STK17B: variants seen among roughly 807,000 people sequenced by gnomAD.
The protein encoded by STK17B is serine/threonine kinase 17b, also known as serine/threonine-protein kinase 17B.
In STK17B, 21 loss-of-function variants were observed where a neutral mutation model predicts 42.0. The observed-to-expected ratio is 0.50, with a 90% CI of 0.35 to 0.72. The LOEUF (loss-of-function observed/expected upper bound fraction) is 0.72. Ranked by LOEUF, STK17B falls within the 30% of genes least tolerant of loss-of-function variation. The probability of loss-of-function intolerance (pLI) is 0.00; values close to 1 mark genes in which losing one functional copy is unlikely to be tolerated. For missense variants in STK17B, 349 were observed against 446.0 expected (o/e 0.78, Z 1.96); for synonymous variants, 143 against 148.4 (o/e 0.96, Z 0.26).
chr2:196,156,696 A>G (rs761076014), intron 2 of STK17B, 45 bp from the exon 3 acceptor site: 4 of 1,462,420 alleles, frequency 2.7e-6, no homozygotes, highest in Non-Finnish European at 3.8e-6. Flanking sequence ...TCTGCAGAGA[A>G]CAACGTTAGT....
At chr2:196,157,971 C>A (rs1025523509) in intron 2 of STK17B, among the ~76,000 whole-genome samples, 2 of 152,196 alleles carry the variant, frequency 1.3e-5, no homozygotes, top group Non-Finnish European at 2.9e-5. Flanking sequence ...GTTTTCAGAT[C>A]TTAAAGCCCA....
rs532403565 is a variant in STK17B, at chr2:196,137,171, T to C, written c.*276A>G. ...ATGCAAAACATTCTGGTAAGTTCATTTGAAGTTGAATTATTTCATTAACAT... is the reference window on the plus strand; with the variant it reads ...ATGCAAAACATTCTGGTAAGTTCATCTGAAGTTGAATTATTTCATTAACAT... On this transcript the variant is annotated 3_prime_UTR_variant, in exon 8 of 8. Coordinates refer to ENST00000263955, the MANE Select transcript of STK17B (RefSeq NM_004226.4). The C allele has an allele frequency of 1.6e-3, 553 of 352,126 alleles. 5 individuals are homozygous for C. The highest frequency in any genetic ancestry group is 0.013 in the South Asian group (292 of 22,298). 21.8% of individuals were successfully genotyped at this position (352,126 alleles called of 1,614,324 possible).
In STK17B at chr2:196,146,058, A is replaced by G. The variant is rs16845711; in HGVS notation, c.336-3T>C. 56,513 of 1,576,948 alleles carry G rather than the reference A, an allele frequency of 0.036. 1,105 individuals are homozygous for G. The highest frequency in any genetic ancestry group is 0.051 in the Middle Eastern group (301 of 5,906). On this transcript the variant is annotated splice_region_variant and splice_polypyrimidine_tract_variant and intron_variant, in intron 3 of 7. Coordinates refer to ENST00000263955, the MANE Select transcript of STK17B (RefSeq NM_004226.4). ...TGAAAATTTCTCCACCTGCAGCACT[A>G]AAATAAAATTCAAAGAACAGAGACT...
intron 7 of STK17B, among the ~76,000 whole-genome samples, chr2:196,139,067 C>T (rs1434753123): frequency 1.3e-5 from 2 of 152,000 alleles, no homozygotes; most frequent in Admixed American, 6.6e-5. Context: ...CCCGGATTCA[C>T]GCCATTCTGC....
In STK17B at chr2:196,164,006, T is replaced by A. The variant is rs1013338773; in HGVS notation, c.-44-579A>T. ...GTGAGCTATGAATGTGCTACTGCAGTTCAGTTTGGGCAATAAAGCGAGATC... is the reference window on the plus strand; with the variant it reads ...GTGAGCTATGAATGTGCTACTGCAGATCAGTTTGGGCAATAAAGCGAGATC... On this transcript the variant is annotated intron_variant, in intron 1 of 7. Coordinates refer to ENST00000263955, the MANE Select transcript of STK17B (RefSeq NM_004226.4). Among the ~76,000 whole-genome samples, 5 of 151,620 alleles carry A rather than the reference T, an allele frequency of 3.3e-5. No individual in the cohort carries two copies. The South Asian group carries it at 1.0e-3, about 32-fold the overall frequency.
chr2:196,163,201 TATAAAA>T, intron 2 of STK17B, 55 bp downstream of exon 2: 1 of 1,571,630 alleles, frequency 6.4e-7, no homozygotes, highest in Non-Finnish European at 8.7e-7. Context: ...TTTATAGAAT[TATAAAA>T]ACACAAATCC....
intron 4 of STK17B, among the ~76,000 whole-genome samples, chr2:196,144,610 G>T (rs1281789001): frequency 6.6e-6 from 1 of 151,458 alleles, no homozygotes. Flanking sequence ...ATGAAAAATG[G>T]TTCAGTACAA....
intron 3 of STK17B, among the ~76,000 whole-genome samples, chr2:196,150,532 A>G (rs114180056): frequency 0.018 from 2,698 of 152,338 alleles, 68 homozygotes; most frequent in African/African-American, 0.061. Context: ...AAATATTCCT[A>G]TAACATAAAG....
chr2:196,144,569 T>A (rs1212542774), intron 4 of STK17B, among the ~76,000 whole-genome samples: 1 of 109,596 alleles, frequency 9.1e-6, no homozygotes, highest in Non-Finnish European at 2.0e-5. Context: ...AAAGAAGGCA[T>A]AAAGGAATGA....
At chr2:196,151,560 A>G (rs533614921) in intron 3 of STK17B, 2 of 152,330 alleles carry the variant, frequency 1.3e-5, no homozygotes, top group African/African-American at 2.4e-5. Flanking sequence ...GACCAACTTT[A>G]ATTTGCTCAA....
At chr2:196,173,080 C>G (rs1699967134), upstream of STK17B, among the ~76,000 whole-genome samples, 1 of 152,132 alleles carries the variant, frequency 6.6e-6, no homozygotes, top group Non-Finnish European at 1.5e-5. Flanking sequence ...CACACTCACC[C>G]CATACTCCCC....
rs1286259477 is a variant in STK17B at position 196,145,982 on chromosome 2, T to C, written c.409A>G (p.Arg137Gly). The C allele has an allele frequency of 6.2e-7, 1 of 1,608,858 alleles. No homozygotes were observed. Among genetic ancestry groups the C allele is most frequent in the South Asian group, 1.1e-5 (1 of 89,692 alleles). The change falls in exon 4 of 8, where the codon AGA (arginine) becomes GGA (glycine). Residue 137 changes from arginine (R) to glycine (G), a missense_variant. Physicochemically the swap from Arg to Gly is moderately radical, Grantham distance 125 (BLOSUM62 -2). This residue lies in a region of STK17B where 256 missense variants were observed against 347.7 expected (regional missense o/e 0.74). Transcript: ENST00000263955. Reference protein sequence around the residue: ...AEMVSENDVIRLIKQILEGVY... With the variant: ...AEMVSENDVIGLIKQILEGVY... ...CCTTCAAGTATTTGTTTAATGAGTCTGATAACATCATTTTCAGAAACCATT... is the reference window on the plus strand; with the variant it reads ...CCTTCAAGTATTTGTTTAATGAGTCCGATAACATCATTTTCAGAAACCATT...
intron 3 of STK17B, chr2:196,154,930 G>C (rs1201893900): frequency 6.6e-6 from 1 of 152,206 alleles, no homozygotes; most frequent in African/African-American, 2.4e-5. Context: ...CAGAGGTATA[G>C]AGATCAGTAA....
chr2:196,159,021 A>AC (rs1224673863), intron 2 of STK17B, among the ~76,000 whole-genome samples: 12 of 151,620 alleles, frequency 7.9e-5, no homozygotes, highest in Admixed American at 5.9e-4. Context: ...AAAAAAAAAA[A>AC]AAACAAAAAA....
intron 3 of STK17B, among the ~76,000 whole-genome samples, chr2:196,155,083 A>T (rs757915331): frequency 5.3e-5 from 8 of 152,244 alleles, no homozygotes; most frequent in Non-Finnish European, 1.0e-4. Flanking sequence ...TTATGAAAAT[A>T]GTCAATGTTC....
At chr2:196,155,794 T>C (rs1699730479) in intron 3 of STK17B, among the ~76,000 whole-genome samples, 1 of 152,186 alleles carries the variant, frequency 6.6e-6, no homozygotes, top group Non-Finnish European at 1.5e-5. Context: ...ACAAACCGGT[T>C]ACCTTAACAA....
At chr2:196,163,485 CA>C in intron 1 of STK17B, 58 bp from the exon 2 acceptor site, 1 of 1,243,838 alleles carries the variant, frequency 8.0e-7, no homozygotes, top group Non-Finnish European at 1.1e-6. Context: ...ATGTGCATTA[CA>C]TTACACAGCT....
At chr2:196,153,168 A>G (rs1023573912) in intron 3 of STK17B, 3 of 151,394 alleles carry the variant, frequency 2.0e-5, no homozygotes, top group Non-Finnish European at 4.4e-5. Context: ...AACACTGAAT[A>G]TCAACAGAAA....
intron 3 of STK17B, among the ~76,000 whole-genome samples, chr2:196,149,905 T>A (rs1245134174): frequency 1.3e-5 from 2 of 152,182 alleles, no homozygotes; most frequent in Non-Finnish European, 1.5e-5. Flanking sequence ...AATAAAATAC[T>A]ATGATTGTCA....
Sources: allele counts gnomAD v4.1 joint callset (sites outside exome capture counted in the v4.1 genomes callset), GRCh38; gene constraint gnomAD v4.1.1; regional missense constraint gnomAD v4.1.1; transcripts MANE v1.5; gene names NCBI Gene and HGNC (gene_info 2026-07-23, HGNC 2026-07-21).